The following ZNF737 variants were observed in gnomAD, a reference collection of about 807,000 sequenced individuals.
The protein encoded by ZNF737 is zinc finger protein 737, also known as zinc finger protein 102 (Y3).
A neutral mutation model predicts 11.7 loss-of-function variants in ZNF737; 13 were observed. The observed-to-expected ratio is 1.11, with a 90% CI of 0.73 to 1.77. The LOEUF is 1.77. ZNF737 is among the 40% of genes most tolerant of loss of function. ZNF737 has a pLI of 0.00. For synonymous variants in ZNF737, 217 were observed against 216.2 expected (o/e 1.00, Z -0.03); for missense variants, 636 against 638.0 (o/e 1.00, Z 0.03).
chr19:20,550,583 C>T (rs1277546103), intron 3 of ZNF737, among the ~76,000 whole-genome samples: 4 of 152,142 alleles, frequency 2.6e-5, no homozygotes, highest in East Asian at 1.9e-4. Flanking sequence ...AGTCAGCCAT[C>T]GCTGACAAAA....
At chr19:20,532,689 A>T (rs1205288924), downstream of ZNF737, among the ~76,000 whole-genome samples, 1 of 149,884 alleles carries the variant, frequency 6.7e-6, no homozygotes, top group African/African-American at 2.5e-5. Flanking sequence ...AACCAGCCCC[A>T]TGAGGTTCTG....
intron 1 of ZNF737, among the ~76,000 whole-genome samples, chr19:20,556,429 C>G (rs1296511128): frequency 6.6e-6 from 1 of 152,076 alleles, no homozygotes; most frequent in African/African-American, 2.4e-5. Context: ...CAAGCTTTAA[C>G]GAGCTAAGCT....
At chr19:20,559,234 GAAA>G (rs1389883742) in intron 1 of ZNF737, among the ~76,000 whole-genome samples, 2 of 151,970 alleles carry the variant, frequency 1.3e-5, no homozygotes, top group Non-Finnish European at 2.9e-5. Context: ...ATCAACAGAG[GAAA>G]AAGACAACCT....
intron 1 of ZNF737, among the ~76,000 whole-genome samples, chr19:20,555,886 T>C (rs1172764465): frequency 1.3e-5 from 2 of 152,106 alleles, no homozygotes; most frequent in Admixed American, 1.3e-4. Context: ...TGAGATTCTT[T>C]GGACAAATTA....
intron 1 of ZNF737, among the ~76,000 whole-genome samples, chr19:20,565,120 A>C (rs1338809189): frequency 6.6e-6 from 1 of 152,070 alleles, no homozygotes; most frequent in Non-Finnish European, 1.5e-5. Flanking sequence ...TTTTTAGTAG[A>C]CATGGGGTTT....
downstream of ZNF737, among the ~76,000 whole-genome samples, chr19:20,534,620 T>C (rs540273499): frequency 1.7e-4 from 25 of 150,206 alleles, no homozygotes; most frequent in Non-Finnish European, 3.5e-4. Flanking sequence ...ATGTTGTCAG[T>C]TTAATTTTTC....
chr19:20,550,275 CTATTT>C (rs1287549969), intron 3 of ZNF737, among the ~76,000 whole-genome samples: 1 of 152,042 alleles, frequency 6.6e-6, no homozygotes, highest in Non-Finnish European at 1.5e-5. Flanking sequence ...AGGAAATAAA[CTATTT>C]TATTATGGAG....
chr19:20,565,397 A>G (rs7246097), intron 1 of ZNF737, among the ~76,000 whole-genome samples: 17,712 of 127,664 alleles, frequency 0.14, 1,157 homozygotes, highest in Middle Eastern at 0.2. Context: ...AGAGCTGCCC[A>G]CGGAGCGCTC....
At position 20,543,106 on chromosome 19, in the gene ZNF737, C is replaced by A; in HGVS notation, c.*1486G>T. 1 of 956,798 alleles carries A rather than the reference C, an allele frequency of 1.0e-6. No individual in the cohort carries two copies. Among genetic ancestry groups the A allele is most frequent in the African/African-American group, 1.8e-5 (1 of 56,654 alleles). The allele number at this position is 956,798 out of a possible 1,614,324, so 59.3% of individuals were successfully genotyped here. A position where few individuals can be genotyped will look rare whatever the true frequency, so the allele number is the denominator to read the frequency against. ...TGTAAACTCTCTTGATATTTATATA[C>A]AATCTATTTTGAATTAAATATTTTT... On this transcript the variant is annotated 3_prime_UTR_variant, in exon 4 of 4. Coordinates refer to ENST00000427401, the MANE Select transcript of ZNF737 (RefSeq NM_001159293.2).
At position 20,542,181 on chromosome 19, in the gene ZNF737, T is replaced by A. The variant is rs1209673365; in HGVS notation, c.*2411A>T. 6 of 984,664 alleles carry A rather than the reference T, an allele frequency of 6.1e-6. No homozygotes were observed. The African/African-American group carries it at 1.0e-4, about 17-fold the overall frequency. 61.0% of individuals were successfully genotyped at this position (984,664 alleles called of 1,614,324 possible). ...TAATGGTTCATTAAACGCACGGTAG[T>A]CTTACCATGGTAAAAATAAAATAAA... is the stretch of plus-strand genomic sequence containing the variant. On this transcript the variant is annotated 3_prime_UTR_variant, in exon 4 of 4. Transcript: ENST00000427401.
downstream of ZNF737, among the ~76,000 whole-genome samples, chr19:20,532,593 G>A (rs781907780): frequency 4.5e-5 from 6 of 132,852 alleles, 2 homozygotes; most frequent in Admixed American, 1.5e-4. Flanking sequence ...TTCAAACCAA[G>A]CCACACACCA....
rs557132147 is a variant in ZNF737 at position 20,542,771 on chromosome 19, T to A, written c.*1821A>T. The stretch of plus-strand genomic sequence containing the variant: ...TACTATTTTATAGAAAAAGTCATAA[T>A]GTCCAAATAATGTAAAAAAATCGAA... On this transcript the variant is annotated 3_prime_UTR_variant, in exon 4 of 4. Transcript: ENST00000427401. The A allele has an allele frequency of 7.0e-5, 69 of 985,196 alleles. No homozygotes were observed. In the East Asian group the frequency reaches 6.8e-3, roughly 97 times the overall value. 61.0% of individuals were successfully genotyped at this position (985,196 alleles called of 1,614,324 possible). A position where few individuals can be genotyped will look rare whatever the true frequency, so the allele number is the denominator to read the frequency against.
At position 20,542,294 on chromosome 19, in the gene ZNF737, T is replaced by C; in HGVS notation, c.*2298A>G. ...CCCAGACTGGAGTGCAATCGCACAA[T>C]CTTGCCCCACTGCAACCTCTGCCTC... On this transcript the variant is annotated 3_prime_UTR_variant, in exon 4 of 4. Coordinates refer to ENST00000427401, the MANE Select transcript of ZNF737 (RefSeq NM_001159293.2). 1.5e-6 allele frequency: 1 copy of C among 661,860 alleles called. No individual in the cohort carries two copies. The allele number at this position is 661,860 out of a possible 1,614,324, so 41.0% of individuals were successfully genotyped here.
At chr19:20,562,862 T>C (rs113032570) in intron 1 of ZNF737, among the ~76,000 whole-genome samples, 92 of 152,164 alleles carry the variant, frequency 6.0e-4, no homozygotes, top group African/African-American at 2.0e-3. Context: ...CCCCATTTTA[T>C]GTCCCTCCTA....
the ZNF737 span, among the ~76,000 whole-genome samples, chr19:20,530,659 C>A: frequency 1.3e-5 from 2 of 148,166 alleles, no homozygotes; most frequent in Admixed American, 1.3e-4. Flanking sequence ...CTCCCCACAT[C>A]TCAGACGATG....
chr19:20,542,987 CATT>C lies in ZNF737; in HGVS notation c.*1602_*1604del, dbSNP rs1568424319. ...ACTCCTTTTAAAGTTAAATAGAAAT[CATT>C]TACCTAAAAACTGCAGTTGTGGATT... On this transcript the variant is annotated 3_prime_UTR_variant, in exon 4 of 4. Coordinates refer to ENST00000427401, the MANE Select transcript of ZNF737 (RefSeq NM_001159293.2). 2 of 984,666 alleles carry C rather than the reference CATT, an allele frequency of 2.0e-6. No homozygotes were observed. Among genetic ancestry groups the C allele is most frequent in the African/African-American group, 3.5e-5 (2 of 57,200 alleles). The allele number at this position is 984,666 out of a possible 1,614,324, so 61.0% of individuals were successfully genotyped here. A position where few individuals can be genotyped will look rare whatever the true frequency, so the allele number is the denominator to read the frequency against.
In ZNF737 at chr19:20,546,059, C is replaced by G. The variant is rs1379630650; in HGVS notation, c.227-83G>C. The G allele has an allele frequency of 7.7e-6, 11 of 1,425,272 alleles. No individual in the cohort carries two copies. In the African/African-American group the frequency reaches 1.6e-4, roughly 21 times the overall value. 88.3% of individuals were successfully genotyped at this position (1,425,272 alleles called of 1,614,324 possible). On this transcript the variant is annotated intron_variant, in intron 3 of 3. Transcript: ENST00000427401. The stretch of plus-strand genomic sequence containing the variant: ...TACAGATCTAACCTATATAATTATA[C>G]AAACTACATAAGCAAGATGACACAG...
In ZNF737 at chr19:20,552,483, T is replaced by C. The variant is rs782761548; in HGVS notation, c.218A>G (p.Asn73Ser). ...LTMKKHEMVA[N>S]PSVTCSHFAR... ...TTTTCACTTGCACCTACCTGAGGGG[T>C]TGGCTACCATCTCATGTTTCTTCAT... The change falls in exon 3 of 4, where the codon AAC becomes AGC. Residue 73 changes from asparagine to serine, a missense_variant. Coordinates refer to ENST00000427401, the MANE Select transcript of ZNF737 (RefSeq NM_001159293.2). 4.4e-6 allele frequency: 7 copies of C among 1,589,806 alleles called. No homozygotes were observed. Among genetic ancestry groups the C allele is most frequent in the Admixed American group, 3.7e-5 (2 of 54,426 alleles).
chr19:20,547,129 C>T (rs557558095), intron 3 of ZNF737, among the ~76,000 whole-genome samples: 25 of 152,186 alleles, frequency 1.6e-4, no homozygotes, highest in African/African-American at 5.8e-4. Flanking sequence ...TGCCTGTAAT[C>T]CCAGCACTTT....
Sources: gnomAD v4.1 joint callset for allele counts (sites outside exome capture counted in the v4.1 genomes callset) on GRCh38, gnomAD v4.1.1 for gene constraint, MANE v1.5 for transcripts, NCBI Gene and HGNC (gene_info 2026-07-23, HGNC 2026-07-21) for gene names.